BLM: variants seen among roughly 807,000 people sequenced by gnomAD.
The protein encoded by BLM is recQ-like DNA helicase BLM.
Under a neutral mutation model 135.3 loss-of-function variants are expected in BLM, and 95 were observed. That is an observed-to-expected ratio of 0.70 (90% CI 0.59 to 0.83). BLM has a LOEUF of 0.83. Ranked by LOEUF, BLM falls within the 40% of genes least tolerant of loss-of-function variation. The pLI is 0.00. For synonymous variants in BLM, 520 were observed against 589.2 expected, an observed-to-expected ratio of 0.88 and a Z score of 1.70; for missense variants, 1,518 against 1,663.9, an observed-to-expected ratio of 0.91 and a Z score of 1.53.
At chr15:90,782,753 T>C in intron 12 of BLM, 69 bp from the exon 13 acceptor site, 1 of 1,188,986 alleles carries the variant, frequency 8.4e-7, no homozygotes, top group Non-Finnish European at 1.2e-6. Context: ...GGGACACATG[T>C]AGTCTATAAC....
intron 14 of BLM, among the ~76,000 whole-genome samples, chr15:90,788,473 T>C (rs1001927979): frequency 1.0e-3 from 37 of 35,406 alleles, no homozygotes; most frequent in African/African-American, 3.8e-3. Flanking sequence ...AGTGTTTTGT[T>C]TTTTTTTTTT....
At chr15:90,796,013 G>T (rs1475036050) in intron 16 of BLM, among the ~76,000 whole-genome samples, 4 of 152,206 alleles carry the variant, frequency 2.6e-5, no homozygotes, top group African/African-American at 9.7e-5. Flanking sequence ...TGCCTGGTGT[G>T]TTCGAGAGAT....
intron 7 of BLM, chr15:90,762,518 GGC>G: frequency 1.6e-5 from 3 of 182,658 alleles, no homozygotes; most frequent in South Asian, 1.1e-4. Context: ...GAGAGGTGTA[GGC>G]ATTTGCTGCA....
intron 1 of BLM, among the ~76,000 whole-genome samples, chr15:90,730,001 A>G (rs1043610466): frequency 3.3e-5 from 5 of 152,132 alleles, no homozygotes; most frequent in Middle Eastern, 3.4e-3. Flanking sequence ...ACGCGCCACC[A>G]TGACCACCTA....
chr15:90,805,993 G>T (rs1005307052), intron 19 of BLM, among the ~76,000 whole-genome samples: 37 of 152,000 alleles, frequency 2.4e-4, no homozygotes, highest in African/African-American at 8.9e-4. Context: ...GGGATTACAG[G>T]CATGCGCCCA....
rs183805542 is a variant in BLM, at chr15:90,787,117, T to C, written c.2823+2036T>C. 2.5e-3 allele frequency among the ~76,000 whole-genome samples: 317 copies of C among 126,206 alleles called. 1 individual carries two copies. Among genetic ancestry groups the C allele is most frequent in the Admixed American group, 4.9e-3 (52 of 10,620 alleles). 82.8% of individuals were successfully genotyped at this position (126,206 alleles called of 152,430 possible). A position where few individuals can be genotyped will look rare whatever the true frequency, so the allele number is the denominator to read the frequency against. On this transcript the variant is annotated intron_variant, in intron 14 of 21. Coordinates refer to ENST00000355112, the MANE Select transcript of BLM (RefSeq NM_000057.4). ...CAGGCTGGAGTGCAGTGGCGCGATC[T>C]CAGCTCACTGCAAGCTCCGCCTCTC...
intron 1 of BLM, among the ~76,000 whole-genome samples, chr15:90,725,646 G>T (rs568658733): frequency 6.7e-6 from 1 of 149,650 alleles, no homozygotes; most frequent in South Asian, 2.1e-4. Context: ...GACTACAGGC[G>T]CCCGCCACCA....
chr15:90,813,197 C>T (rs1194048803), intron 21 of BLM, among the ~76,000 whole-genome samples: 1 of 152,222 alleles, frequency 6.6e-6, no homozygotes, highest in African/African-American at 2.4e-5. Flanking sequence ...CATGGTCTTC[C>T]ATCTCATCTT....
chr15:90,794,542 A>G lies in BLM; in HGVS notation c.3210+185A>G, dbSNP rs1029121715. Among the ~76,000 whole-genome samples the G allele has an allele frequency of 3.9e-5, 6 of 152,036 alleles. No individual in the cohort carries two copies. The South Asian group carries it at 1.2e-3, about 32-fold the overall frequency. ...TAATTTCATGCGGTATCTTTTCTTT[A>G]TAATTAGAACCCTGTTAAAAAATAT... On this transcript the variant is annotated intron_variant, in intron 16 of 21. Transcript: ENST00000355112.
intron 1 of BLM, among the ~76,000 whole-genome samples, chr15:90,728,122 A>G (rs369557038): frequency 6.6e-6 from 1 of 152,032 alleles, no homozygotes; most frequent in East Asian, 1.9e-4. Flanking sequence ...CTGCAGCCTC[A>G]ACCTCCTGGG....
At chr15:90,724,138 GAGA>G (rs1567221283) in intron 1 of BLM, among the ~76,000 whole-genome samples, 2 of 151,726 alleles carry the variant, frequency 1.3e-5, no homozygotes, top group Non-Finnish European at 1.5e-5. Context: ...TCAGCCTCCC[GAGA>G]AGGTGAGACT....
chr15:90,760,639 T>C lies in BLM; in HGVS notation c.1266T>C (p.Ser422=), dbSNP rs1895947616. ...TEVDFNKSDA[S]LLGSLWRYRP... ...TAGATTTTAATAAAAGTGATGCCAG[T>C]CTTCTTGGCTCATTGTGGAGATACA... Residue 422 remains serine, a synonymous_variant, in exon 7 of 22, where the codon AGT becomes AGC. Transcript: ENST00000355112. The C allele has an allele frequency of 6.2e-7, 1 of 1,612,280 alleles. No homozygotes were observed. The highest frequency in any genetic ancestry group is 1.3e-5 in the African/African-American group (1 of 74,888).
At chr15:90,742,241 C>G (rs895217415) in intron 1 of BLM, among the ~76,000 whole-genome samples, 1 of 152,158 alleles carries the variant, frequency 6.6e-6, no homozygotes, top group Admixed American at 6.5e-5. Flanking sequence ...CTTAGTTAGG[C>G]TCACCACCTT....
chr15:90,756,389 C>T (rs1895820858), intron 5 of BLM, among the ~76,000 whole-genome samples: 1 of 152,184 alleles, frequency 6.6e-6, no homozygotes, highest in Non-Finnish European at 1.5e-5. Context: ...AGGCGTGAGC[C>T]ACCGCGCCTG....
At position 90,790,835 on chromosome 15, in the gene BLM, C is replaced by T. The variant is rs778515103; in HGVS notation, c.3010C>T (p.Leu1004Phe). The change falls in exon 15 of 22, where the codon CTT becomes TTT. Residue 1004 changes from leucine to phenylalanine, a missense_variant. This residue lies in a region of BLM where 626 missense variants were observed against 681.1 expected (regional missense o/e 0.92). Coordinates refer to ENST00000355112, the MANE Select transcript of BLM (RefSeq NM_000057.4). ...TCATGATGTGACCAGACTGAAAAGACTTATAATGAGTAAGCTGGGCTCCAT... is the reference window on the plus strand; with the variant it reads ...TCATGATGTGACCAGACTGAAAAGATTTATAATGAGTAAGCTGGGCTCCAT... ...TYHDVTRLKR[L>F]IMMEKDGNHH... 1.9e-6 allele frequency: 3 copies of T among 1,613,666 alleles called. No individual in the cohort carries two copies. The highest frequency in any genetic ancestry group is 2.5e-6 in the Non-Finnish European group (3 of 1,179,570).
At position 90,784,967 on chromosome 15, in the gene BLM, C is replaced by A. The variant is rs1555422522; in HGVS notation, c.2709C>A (p.Thr903=). ...IYCLSRRECD[T]MADTLQRDGL... The stretch of plus-strand genomic sequence containing the variant: ...GCCTCTCCAGGCGAGAATGTGACAC[C>A]ATGGCTGACACGTTACAGAGAGATG... The change falls in exon 14 of 22, where the codon ACC becomes ACA. Residue 903 remains threonine, a synonymous_variant. Transcript: ENST00000355112. 2 of 1,613,972 alleles carry A rather than the reference C, an allele frequency of 1.2e-6. No homozygotes were observed. The highest frequency in any genetic ancestry group is 2.7e-5 in the African/African-American group (2 of 74,890).
rs765143263 is a variant in BLM, at chr15:90,769,459, G to A, written c.2428G>A (p.Asp810Asn). The stretch of plus-strand genomic sequence containing the variant: ...CTAGTGGGGACATGATTTTCGTCAA[G>A]ATTACAAAAGAATGAATATGCTTCG... ...VSQWGHDFRQ[D>N]YKRMNMLRQK... The change falls in exon 12 of 22, where the codon GAT becomes AAT. Residue 810 changes from aspartate to asparagine, a missense_variant. Asp to Asn is a conservative substitution (Grantham distance 23). This residue lies in a region of BLM where 626 missense variants were observed against 681.1 expected (regional missense o/e 0.92). Transcript: ENST00000355112. 6.2e-7 allele frequency: 1 copy of A among 1,614,006 alleles called. No homozygotes were observed. Among genetic ancestry groups the A allele is most frequent in the African/African-American group, 1.3e-5 (1 of 74,912 alleles).
intron 1 of BLM, among the ~76,000 whole-genome samples, chr15:90,728,513 C>T (rs1211777115): frequency 6.6e-6 from 1 of 152,198 alleles, no homozygotes; most frequent in Non-Finnish European, 1.5e-5. Flanking sequence ...ATTCCTGCCT[C>T]AGCCTCCCGG....
intron 12 of BLM, among the ~76,000 whole-genome samples, chr15:90,777,342 A>T (rs1444677371): frequency 6.6e-6 from 1 of 151,928 alleles, no homozygotes; most frequent in Non-Finnish European, 1.5e-5. Flanking sequence ...TGGTAGAGAC[A>T]GGGTTTCACC....
Sources: gnomAD v4.1 joint callset for allele counts (sites outside exome capture counted in the v4.1 genomes callset) on GRCh38, gnomAD v4.1.1 for gene constraint, gnomAD v4.1.1 regional missense constraint, MANE v1.5 for transcripts, NCBI Gene and HGNC (gene_info 2026-07-23, HGNC 2026-07-21) for gene names.